TERB1: variants seen among roughly 807,000 people sequenced by gnomAD.
The protein encoded by TERB1 is telomere repeats-binding bouquet formation protein 1.
In TERB1, 63 loss-of-function variants were observed where a neutral mutation model predicts 92.3. The ratio of observed to expected loss-of-function variants is 0.68; its 90% CI spans 0.56 to 0.84. The LOEUF (loss-of-function observed/expected upper bound fraction) is 0.84. Ranked by LOEUF, TERB1 falls within the 40% of genes least tolerant of loss-of-function variation. TERB1 has a pLI of 0.00. For missense variants in TERB1, 709 were observed against 843.7 expected (o/e 0.84, Z 1.98); for synonymous variants, 252 against 283.9 (o/e 0.89, Z 1.13).
intron 11 of TERB1, among the ~76,000 whole-genome samples, chr16:66,776,475 A>G (rs150184990): frequency 6.8e-4 from 104 of 152,338 alleles, no homozygotes; most frequent in African/African-American, 2.3e-3. Flanking sequence ...GGGTATAATC[A>G]ATCCTAAATT....
At chr16:66,793,368 C>T (rs1400719096) in intron 3 of TERB1, among the ~76,000 whole-genome samples, 2 of 151,720 alleles carry the variant, frequency 1.3e-5, no homozygotes, top group Non-Finnish European at 2.9e-5. Context: ...AAGTGCCCAC[C>T]GCCATGCCCG....
chr16:66,765,654 C>T (rs2018327737), intron 16 of TERB1, among the ~76,000 whole-genome samples: 1 of 151,434 alleles, frequency 6.6e-6, no homozygotes, highest in African/African-American at 2.4e-5. Context: ...GACGGGGTTT[C>T]ACCGTGTTGA....
intron 17 of TERB1, 45 bp from the exon 18 acceptor site, chr16:66,758,883 G>A (rs2018182256): frequency 1.6e-6 from 2 of 1,219,624 alleles, no homozygotes; most frequent in Non-Finnish European, 2.3e-6. Context: ...GTATCAATCT[G>A]AGTAATAGCA....
intron 2 of TERB1, chr16:66,799,921 AT>A (rs1027764743): frequency 6.6e-5 from 10 of 152,110 alleles, no homozygotes; most frequent in African/African-American, 1.9e-4. Context: ...GGAAAAAAGG[AT>A]TTTTTTCTGG....
intron 16 of TERB1, among the ~76,000 whole-genome samples, chr16:66,760,933 GAA>G (rs2018232271): frequency 7.3e-6 from 1 of 137,866 alleles, no homozygotes; most frequent in South Asian, 2.3e-4. Context: ...CCAATATGGC[GAA>G]ACCCCGTCTC....
rs757910417 is a variant in TERB1, at chr16:66,785,813, A to G, written c.673T>C (p.Phe225Leu). 1.5e-5 allele frequency: 23 copies of G among 1,547,004 alleles called. 1 individual carries two copies. In the South Asian group the frequency reaches 2.8e-4, roughly 19 times the overall value. The change falls in exon 9 of 19, where the codon TTT becomes CTT. Residue 225 changes from phenylalanine to leucine, a missense_variant. Phe to Leu is a conservative substitution (Grantham distance 22). Transcript: ENST00000433154. ...TTATTTGCAAGAGTGAGTCCAATAA[A>G]TGAGCAAATAGGGCGAATTATCTCA... ...TPEIIRPICS[F>L]IGLTLANNTY...
chr16:66,789,101 T>C (rs181433246), intron 5 of TERB1, among the ~76,000 whole-genome samples: 65 of 151,876 alleles, frequency 4.3e-4, no homozygotes, highest in African/African-American at 1.4e-3. Context: ...AATAATAATT[T>C]AATTGTACAC....
intron 16 of TERB1, among the ~76,000 whole-genome samples, chr16:66,760,297 A>G (rs2018214499): frequency 7.1e-6 from 1 of 141,466 alleles, no homozygotes. Context: ...CATCTCTACT[A>G]AAAATACAAA....
chr16:66,783,879 C>T (rs553758617), intron 9 of TERB1, among the ~76,000 whole-genome samples: 32 of 152,134 alleles, frequency 2.1e-4, no homozygotes, highest in Non-Finnish European at 4.4e-4. Flanking sequence ...TACAGGCATG[C>T]GCCACCGTGC....
chr16:66,779,014 T>C lies in TERB1; in HGVS notation c.702A>G (p.Thr234=). The C allele has an allele frequency of 6.7e-7, 1 of 1,485,024 alleles. No individual in the cohort carries two copies. Among genetic ancestry groups the C allele is most frequent in the Non-Finnish European group, 9.1e-7 (1 of 1,103,280 alleles). 92.0% of individuals were successfully genotyped at this position (1,485,024 alleles called of 1,614,324 possible). The change falls in exon 10 of 19, where the codon ACA becomes ACG. Residue 234 remains threonine, a splice_region_variant and synonymous_variant. Coordinates refer to ENST00000433154, the MANE Select transcript of TERB1 (RefSeq NM_001136505.2). ...CAGATACGAAGTATTTCTGAACATA[T>C]GCTTAAAGAATAAAGTAGCAAAACT... is the stretch of plus-strand genomic sequence containing the variant. The part of the protein sequence containing the change: ...SFIGLTLANN[T]YVQKYFVSVG...
intron 6 of TERB1, among the ~76,000 whole-genome samples, chr16:66,786,732 G>A (rs1281296303): frequency 6.6e-6 from 1 of 152,124 alleles, no homozygotes; most frequent in Non-Finnish European, 1.5e-5. Context: ...ATTGTGCCTG[G>A]GTCTGTGATC....
intron 16 of TERB1, among the ~76,000 whole-genome samples, chr16:66,766,160 C>A (rs1232230997): frequency 6.6e-6 from 1 of 151,912 alleles, no homozygotes; most frequent in Non-Finnish European, 1.5e-5. Flanking sequence ...CGTGAGCCAC[C>A]GCGCCCGGCC....
intron 9 of TERB1, among the ~76,000 whole-genome samples, chr16:66,785,482 C>A (rs2018712689): frequency 6.6e-6 from 1 of 151,958 alleles, no homozygotes; most frequent in South Asian, 2.1e-4. Context: ...TGTTTTTATT[C>A]ATTTCTAATT....
intron 2 of TERB1, chr16:66,800,203 A>G (rs1220039288): frequency 1.3e-5 from 2 of 151,762 alleles, no homozygotes; most frequent in African/African-American, 2.4e-5. Flanking sequence ...GTCTCTACCA[A>G]AGAAAAGTAC....
At chr16:66,773,162 C>T (rs949099264) in intron 12 of TERB1, among the ~76,000 whole-genome samples, 3 of 118,302 alleles carry the variant, frequency 2.5e-5, no homozygotes, top group African/African-American at 7.3e-5. Flanking sequence ...AACTCCACCT[C>T]TACTAAAAAA....
chr16:66,754,690 A>T lies in TERB1; in HGVS notation c.*286T>A. On this transcript the variant is annotated 3_prime_UTR_variant, in exon 19 of 19. Coordinates refer to ENST00000433154, the MANE Select transcript of TERB1 (RefSeq NM_001136505.2). ...AATGTCAAATAACATTTAAAGGCTA[A>T]TTCTTTTCTCTGTGTCCTTTAAGCT... is the stretch of plus-strand genomic sequence containing the variant. The T allele has an allele frequency of 2.9e-6, 1 of 340,762 alleles. No individual in the cohort carries two copies. The highest frequency in any genetic ancestry group is 4.7e-5 in the Admixed American group (1 of 21,276). The allele number at this position is 340,762 out of a possible 1,614,324, so 21.1% of individuals were successfully genotyped here.
intron 11 of TERB1, 133 bp from the exon 12 acceptor site, chr16:66,775,376 G>C (rs1333048257): frequency 2.7e-6 from 2 of 731,874 alleles, no homozygotes; most frequent in Non-Finnish European, 4.3e-6. Context: ...GCTCACTCTT[G>C]TAATCCCAGC....
intron 14 of TERB1, 134 bp from the exon 15 acceptor site, chr16:66,768,302 T>C: frequency 1.5e-6 from 1 of 660,264 alleles, no homozygotes. Context: ...TCTACCACAA[T>C]CTACCAAATT....
chr16:66,784,955 T>C (rs1027123546), intron 9 of TERB1, among the ~76,000 whole-genome samples: 2 of 150,520 alleles, frequency 1.3e-5, no homozygotes, highest in Non-Finnish European at 3.0e-5. Context: ...ACTCCTGACC[T>C]CAAGCGATCC....
Sources: allele counts gnomAD v4.1 joint callset (sites outside exome capture counted in the v4.1 genomes callset), GRCh38; gene constraint gnomAD v4.1.1; transcripts MANE v1.5; gene names NCBI Gene and HGNC (gene_info 2026-07-23, HGNC 2026-07-21).